The following FNDC3A variants were observed in gnomAD, a reference collection of about 807,000 sequenced individuals.
FNDC3A encodes the protein fibronectin type-III domain-containing protein 3A.
FNDC3A carries 32 observed loss-of-function variants against 148.9 expected under a neutral mutation model. The ratio of observed to expected loss-of-function variants is 0.21; its 90% CI spans 0.16 to 0.29. FNDC3A has a LOEUF of 0.29. Ranked by LOEUF, FNDC3A falls within the 10% of genes least tolerant of loss-of-function variation. The pLI, the probability that FNDC3A is intolerant of heterozygous loss-of-function variation, is 1.00. For missense variants in FNDC3A, 1,191 were observed against 1,452.8 expected, an observed-to-expected ratio of 0.82 and a Z score of 2.93; for synonymous variants, 472 against 473.6, an observed-to-expected ratio of 1.00 and a Z score of 0.04.
intron 4 of FNDC3A, among the ~76,000 whole-genome samples, chr13:49,124,816 T>C (rs941902053): frequency 1.3e-5 from 2 of 152,184 alleles, no homozygotes; most frequent in Admixed American, 1.3e-4. Context: ...AGGAACTTAA[T>C]TCACTGGCAA....
intron 8 of FNDC3A, among the ~76,000 whole-genome samples, chr13:49,152,652 A>T (rs1214114330): frequency 6.6e-6 from 1 of 151,482 alleles, no homozygotes; most frequent in Admixed American, 6.6e-5. Context: ...ATATCTCCCA[A>T]TGCTACCCCT....
At chr13:49,144,290 C>T (rs897381677) in intron 7 of FNDC3A, among the ~76,000 whole-genome samples, 3 of 151,950 alleles carry the variant, frequency 2.0e-5, no homozygotes, top group Non-Finnish European at 4.4e-5. Context: ...AAATGAAACA[C>T]AGTACCAAGA....
At chr13:48,999,405 C>T (rs1952083683) in intron 1 of FNDC3A, among the ~76,000 whole-genome samples, 1 of 152,148 alleles carries the variant, frequency 6.6e-6, no homozygotes, top group Non-Finnish European at 1.5e-5. Flanking sequence ...TTGTCTTTTG[C>T]AAATACATAA....
At chr13:49,178,525 AT>A in intron 13 of FNDC3A, 42 bp from the exon 14 acceptor site, 1 of 1,191,390 alleles carries the variant, frequency 8.4e-7, no homozygotes, top group South Asian at 1.3e-5. Context: ...CCATATTTCT[AT>A]TGTTAGACAT....
At chr13:49,203,679 G>A (rs968821252) in intron 25 of FNDC3A, among the ~76,000 whole-genome samples, 1 of 152,146 alleles carries the variant, frequency 6.6e-6, no homozygotes, top group Non-Finnish European at 1.5e-5. Context: ...GAGGGGGAGG[G>A]CACTGAGTGT....
At chr13:49,012,015 A>G (rs1325028157) in intron 2 of FNDC3A, among the ~76,000 whole-genome samples, 1 of 151,982 alleles carries the variant, frequency 6.6e-6, no homozygotes, top group Admixed American at 6.6e-5. Flanking sequence ...TATTGAAAAA[A>G]CTGTTGTTTT....
intron 3 of FNDC3A, among the ~76,000 whole-genome samples, chr13:49,096,856 A>G (rs1879558181): frequency 6.6e-6 from 1 of 152,174 alleles, no homozygotes; most frequent in Admixed American, 6.5e-5. Context: ...GAAGTCATTG[A>G]GTGCTTAGGA....
chr13:49,164,792 G>A (rs568917325), intron 8 of FNDC3A, among the ~76,000 whole-genome samples: 10 of 152,184 alleles, frequency 6.6e-5, no homozygotes, highest in South Asian at 4.1e-4. Flanking sequence ...TGCATTTTTA[G>A]TAGAAATGGA....
chr13:48,982,344 A>G (rs988645094), intron 1 of FNDC3A, among the ~76,000 whole-genome samples: 7 of 152,158 alleles, frequency 4.6e-5, no homozygotes, highest in African/African-American at 1.7e-4. Context: ...TTTGTAATAT[A>G]TACCTAAAAA....
At chr13:49,171,779 CTT>C (rs1157349099) in intron 10 of FNDC3A, among the ~76,000 whole-genome samples, 1 of 152,060 alleles carries the variant, frequency 6.6e-6, no homozygotes, top group Non-Finnish European at 1.5e-5. Flanking sequence ...TTTTTAAAGA[CTT>C]TTTCAAGTTA....
intron 2 of FNDC3A, 36 bp from the exon 3 acceptor site, chr13:49,075,253 T>G: frequency 7.8e-7 from 1 of 1,278,464 alleles, no homozygotes; most frequent in South Asian, 1.2e-5. Context: ...TTGCTTTTTT[T>G]TGTTTTGATT....
intron 14 of FNDC3A, among the ~76,000 whole-genome samples, chr13:49,179,466 C>T (rs1412432915): frequency 6.6e-6 from 1 of 152,068 alleles, no homozygotes; most frequent in East Asian, 1.9e-4. Context: ...CATCTTGTTC[C>T]TCATCAAACT....
chr13:49,063,483 T>G (rs781530289), intron 2 of FNDC3A, among the ~76,000 whole-genome samples: 1 of 152,212 alleles, frequency 6.6e-6, no homozygotes. Context: ...GAGCATGGAT[T>G]CAAGTTGCCC....
chr13:48,998,346 G>A (rs564894617), intron 1 of FNDC3A, among the ~76,000 whole-genome samples: 1 of 152,272 alleles, frequency 6.6e-6, no homozygotes, highest in East Asian at 1.9e-4. Flanking sequence ...GAAACTTTCT[G>A]AGCTTTGGCA....
At chr13:49,055,941 C>A (rs12869831) in intron 2 of FNDC3A, among the ~76,000 whole-genome samples, 1 of 152,048 alleles carries the variant, frequency 6.6e-6, no homozygotes, top group African/African-American at 2.4e-5. Context: ...AATCCCAGAA[C>A]TTTGGAAGGC....
intron 8 of FNDC3A, among the ~76,000 whole-genome samples, chr13:49,154,045 A>G (rs1883494376): frequency 1.9e-5 from 2 of 108,104 alleles, no homozygotes; most frequent in South Asian, 7.1e-4. Context: ...GTTTTTTCCA[A>G]TTCTGTGAAG....
In FNDC3A at chr13:49,134,879, C is replaced by T. The variant is rs561968815; in HGVS notation, c.491-1453C>T. Among the ~76,000 whole-genome samples, 33 of 99,394 alleles carry T rather than the reference C, an allele frequency of 3.3e-4. No individual in the cohort carries two copies. In the East Asian group the frequency reaches 5.3e-3, roughly 16 times the overall value. The allele number at this position is 99,394 out of a possible 152,430, so 65.2% of individuals were successfully genotyped here. On this transcript the variant is annotated intron_variant, in intron 5 of 25. Coordinates refer to ENST00000492622, the MANE Select transcript of FNDC3A (RefSeq NM_001079673.2). ...TTTTTTTTTTTTTGAGACAGAGTCTCGCTCTGTCGCCCAGGCTGGAGTGCA... is the reference window on the plus strand; with the variant it reads ...TTTTTTTTTTTTTGAGACAGAGTCTTGCTCTGTCGCCCAGGCTGGAGTGCA...
At chr13:49,076,345 A>G (rs1178718385) in intron 3 of FNDC3A, among the ~76,000 whole-genome samples, 4 of 151,968 alleles carry the variant, frequency 2.6e-5, no homozygotes, top group African/African-American at 9.7e-5. Context: ...CCCGGGTTCA[A>G]GTGATTCTCC....
At chr13:49,165,490 A>C (rs1566299347) in intron 8 of FNDC3A, among the ~76,000 whole-genome samples, 1 of 152,074 alleles carries the variant, frequency 6.6e-6, no homozygotes, top group African/African-American at 2.4e-5. Context: ...TTGTTAGTGG[A>C]GGCTGTAGTG....
Sources: allele counts gnomAD v4.1 joint callset (sites outside exome capture counted in the v4.1 genomes callset), GRCh38; gene constraint gnomAD v4.1.1; transcripts MANE v1.5; gene names NCBI Gene and HGNC (gene_info 2026-07-23, HGNC 2026-07-21).